Variants in SCCPDH observed in about 807,000 individuals in gnomAD.
The protein encoded by SCCPDH is saccharopine dehydrogenase-like oxidoreductase.
In SCCPDH, 34 loss-of-function variants were observed where a neutral mutation model predicts 51.5. That is an observed-to-expected ratio of 0.66 (90% CI 0.50 to 0.88). The LOEUF is 0.88. SCCPDH is among the 40% of genes least tolerant of loss of function. The pLI, the probability that SCCPDH is intolerant of heterozygous loss-of-function variation, is 0.00. For synonymous variants in SCCPDH, 187 were observed against 191.3 expected, an observed-to-expected ratio of 0.98 and a Z score of 0.19; for missense variants, 464 against 527.1, an observed-to-expected ratio of 0.88 and a Z score of 1.17.
intron 2 of SCCPDH, among the ~76,000 whole-genome samples, chr1:246,735,739 C>G (rs540337329): frequency 6.6e-6 from 1 of 152,244 alleles, no homozygotes; most frequent in Non-Finnish European, 1.5e-5. Flanking sequence ...ACCATGTTGG[C>G]CAGGCTGGTC....
At chr1:246,731,700 T>C (rs1294018943) in intron 2 of SCCPDH, among the ~76,000 whole-genome samples, 1 of 151,770 alleles carries the variant, frequency 6.6e-6, no homozygotes, top group Non-Finnish European at 1.5e-5. Context: ...TTGTACTATA[T>C]ACTGTAGGGA....
chr1:246,744,228 A>T (rs1444907647), intron 5 of SCCPDH, 103 bp downstream of exon 5: 15 of 532,528 alleles, frequency 2.8e-5, no homozygotes, highest in Non-Finnish European at 4.6e-5. Flanking sequence ...AATGTGTGAA[A>T]GTCACCATGT....
intron 9 of SCCPDH, among the ~76,000 whole-genome samples, chr1:246,763,858 C>T (rs1241518184): frequency 6.6e-6 from 1 of 152,148 alleles, no homozygotes; most frequent in Non-Finnish European, 1.5e-5. Context: ...CGAATTTTTA[C>T]ATCTTTAAGT....
At chr1:246,729,164 C>G (rs552336953) in intron 2 of SCCPDH, among the ~76,000 whole-genome samples, 1 of 152,308 alleles carries the variant, frequency 6.6e-6, no homozygotes, top group Admixed American at 6.5e-5. Flanking sequence ...AGCAAGATCA[C>G]AAGGCCAGGG....
chr1:246,732,627 A>G lies in SCCPDH; in HGVS notation c.304-3348A>G, dbSNP rs1668508834. On this transcript the variant is annotated intron_variant, in intron 2 of 11. Transcript: ENST00000366510. ...AGTCTTGAACTCCTGACCTCAGGTGATCCACCTGCCTCGGCCTCCCAAAGT... is the reference window on the plus strand; with the variant it reads ...AGTCTTGAACTCCTGACCTCAGGTGGTCCACCTGCCTCGGCCTCCCAAAGT... Among the ~76,000 whole-genome samples, 13 of 152,298 alleles carry G rather than the reference A, an allele frequency of 8.5e-5. No individual in the cohort carries two copies. In the South Asian group the frequency reaches 2.7e-3, roughly 32 times the overall value.
chr1:246,761,421 C>A (rs1418950746), intron 9 of SCCPDH, among the ~76,000 whole-genome samples: 1 of 152,168 alleles, frequency 6.6e-6, no homozygotes. Flanking sequence ...ATAAAATGTA[C>A]CATCTTAACC....
In SCCPDH at chr1:246,758,338, G is replaced by T. The variant is rs138400562; in HGVS notation, c.677G>T (p.Gly226Val). ...VSNLKPVPLI[G>V]PKLKRRWPIS... ...AATCTGAAACCTGTCCCGCTCATTG[G>T]TCCAAAATTGAAGAGAAGGTAAATT... The change falls in exon 6 of 12, where the codon GGT becomes GTT. Residue 226 changes from glycine to valine, a missense_variant. Gly to Val is a moderately radical substitution (Grantham distance 109). Coordinates refer to ENST00000366510, the MANE Select transcript of SCCPDH (RefSeq NM_016002.3). The T allele has an allele frequency of 7.0e-5, 112 of 1,602,758 alleles. No individual in the cohort carries two copies. Among genetic ancestry groups the T allele is most frequent in the Non-Finnish European group, 8.9e-5 (105 of 1,175,572 alleles).
chr1:246,734,135 C>A (rs1419024383), intron 2 of SCCPDH, among the ~76,000 whole-genome samples: 1 of 152,140 alleles, frequency 6.6e-6, no homozygotes, highest in Non-Finnish European at 1.5e-5. Context: ...GAGTGACCAG[C>A]ATGCAACCCA....
Position 246,740,310 on chromosome 1 carries a change from T to C in SCCPDH, c.514+9T>C, listed in dbSNP as rs1338064149. 1.9e-6 allele frequency: 3 copies of C among 1,585,534 alleles called. No individual in the cohort carries two copies. The highest frequency in any genetic ancestry group is 8.6e-7 in the Non-Finnish European group (1 of 1,161,468). On this transcript the variant is annotated intron_variant, in intron 4 of 11. Coordinates refer to ENST00000366510, the MANE Select transcript of SCCPDH (RefSeq NM_016002.3). ...CAGAAATAAAATGAATGGTAATTAT[T>C]GATCAATAAGCAATAATGGAATTTA...
Position 246,735,968 on chromosome 1 carries a change from T to G in SCCPDH, c.304-7T>G. ...GAATAACCTCTTTGTTCTTTTTGTT[T>G]CCCTAGTATCGGTTTTATGGAGAAC... is the stretch of plus-strand genomic sequence containing the variant. On this transcript the variant is annotated splice_polypyrimidine_tract_variant and splice_region_variant and intron_variant, in intron 2 of 11. Transcript: ENST00000366510. The G allele has an allele frequency of 1.3e-6, 2 of 1,589,140 alleles. No homozygotes were observed. Among genetic ancestry groups the G allele is most frequent in the South Asian group, 1.1e-5 (1 of 88,354 alleles).
Position 246,767,575 on chromosome 1 carries a change from G to A in SCCPDH, c.*275G>A. On this transcript the variant is annotated 3_prime_UTR_variant, in exon 12 of 12. Transcript: ENST00000366510. ...GTAGATTTTCACGAATGAGCTGGCA[G>A]GTCTAATGGGGGAGGCGGCGTCCCA... The A allele has an allele frequency of 5.1e-6, 1 of 196,604 alleles. No homozygotes were observed. Among genetic ancestry groups the A allele is most frequent in the East Asian group, 1.2e-4 (1 of 8,432 alleles). The allele number at this position is 196,604 out of a possible 1,614,324, so 12.2% of individuals were successfully genotyped here.
chr1:246,724,662 C>T, intron 1 of SCCPDH, 50 bp downstream of exon 1: 3 of 1,392,028 alleles, frequency 2.2e-6, no homozygotes, highest in Non-Finnish European at 2.8e-6. Context: ...GGCCGGGGAC[C>T]CCGCATCGCC....
intron 5 of SCCPDH, among the ~76,000 whole-genome samples, chr1:246,747,613 A>G (rs1668781142): frequency 6.6e-6 from 1 of 152,252 alleles, no homozygotes; most frequent in Non-Finnish European, 1.5e-5. Context: ...CAATGGTGAG[A>G]GCACACCTGA....
In SCCPDH at chr1:246,767,141, TAGG is replaced by T. The variant is rs554779934; in HGVS notation, c.1185-51_1185-49del. 4.0e-4 allele frequency: 499 copies of T among 1,259,050 alleles called. 1 individual carries two copies. The African/African-American group carries it at 6.4e-3, about 16-fold the overall frequency. The allele number at this position is 1,259,050 out of a possible 1,614,324, so 78.0% of individuals were successfully genotyped here. A position where few individuals can be genotyped will look rare whatever the true frequency, so the allele number is the denominator to read the frequency against. On this transcript the variant is annotated intron_variant, in intron 11 of 11. Coordinates refer to ENST00000366510, the MANE Select transcript of SCCPDH (RefSeq NM_016002.3). ...CAATTTGATAGTGAGGCCTGTGAAA[TAGG>T]AGACTGGAGAGGAGCTGAGTGCACT...
At chr1:246,747,249 G>A (rs1215443235) in intron 5 of SCCPDH, among the ~76,000 whole-genome samples, 1 of 152,136 alleles carries the variant, frequency 6.6e-6, no homozygotes, top group Non-Finnish European at 1.5e-5. Flanking sequence ...TGTAATAAAG[G>A]TTCATGATTT....
At chr1:246,725,035 G>A (rs1004301842) in intron 1 of SCCPDH, among the ~76,000 whole-genome samples, 1 of 152,102 alleles carries the variant, frequency 6.6e-6, no homozygotes, top group African/African-American at 2.4e-5. Flanking sequence ...CTTGGAGATC[G>A]GAGTCTCCCT....
chr1:246,740,657 T>G (rs1668662237), intron 4 of SCCPDH, among the ~76,000 whole-genome samples: 1 of 152,214 alleles, frequency 6.6e-6, no homozygotes, highest in Non-Finnish European at 1.5e-5. Flanking sequence ...AGGTTTTAAA[T>G]TTTTAACCGT....
intron 11 of SCCPDH, 90 bp downstream of exon 11, chr1:246,766,229 C>A: frequency 1.1e-6 from 1 of 898,868 alleles, no homozygotes; most frequent in Non-Finnish European, 1.8e-6. Flanking sequence ...TTTGGGTTTG[C>A]ATGTAAGCAT....
rs1165950340 is a variant in SCCPDH, at chr1:246,740,211, GCAGA to G, written c.427_430del (p.Asp143LysfsTer20). Reference sequence around the variant, plus strand: ...GCAACTGAAGTATCATGAGAAAGCTGCAGACAAAGGGGTTTATATCATTGGAAGC... The same window carrying G: ...GCAACTGAAGTATCATGAGAAAGCTGCAAAGGGGTTTATATCATTGGAAGC... On this transcript the variant is annotated frameshift_variant, in exon 4 of 12. Coordinates refer to ENST00000366510, the MANE Select transcript of SCCPDH (RefSeq NM_016002.3). LOFTEE classifies it high-confidence loss of function. 1 of 1,605,882 alleles carries G rather than the reference GCAGA, an allele frequency of 6.2e-7. No individual in the cohort carries two copies. The highest frequency in any genetic ancestry group is 1.3e-5 in the African/African-American group (1 of 74,822).
Sources: gnomAD v4.1 joint callset for allele counts (sites outside exome capture counted in the v4.1 genomes callset) on GRCh38, gnomAD v4.1.1 for gene constraint, MANE v1.5 for transcripts, NCBI Gene and HGNC (gene_info 2026-07-23, HGNC 2026-07-21) for gene names.